The following PTPN14 variants were observed in gnomAD, a reference collection of about 807,000 sequenced individuals.
PTPN14 encodes protein tyrosine phosphatase non-receptor type 14, also known as tyrosine-protein phosphatase non-receptor type 14.
In PTPN14, 53 loss-of-function variants were observed where a neutral mutation model predicts 126.8. That is an observed-to-expected ratio of 0.42 (90% CI 0.34 to 0.53). The LOEUF is 0.53. PTPN14 is among the 20% of genes least tolerant of loss of function. The probability of loss-of-function intolerance (pLI) is 0.08; values close to 1 mark genes in which losing one functional copy is unlikely to be tolerated. For missense variants in PTPN14, 1,257 were observed against 1,552.9 expected, an observed-to-expected ratio of 0.81 and a Z score of 3.20; for synonymous variants, 630 against 599.3, an observed-to-expected ratio of 1.05 and a Z score of -0.75.
At chr1:214,543,315 C>A (rs1205240734) in intron 1 of PTPN14, among the ~76,000 whole-genome samples, 1 of 152,042 alleles carries the variant, frequency 6.6e-6, no homozygotes, top group African/African-American at 2.4e-5. Flanking sequence ...ATTTCCTAGA[C>A]TTGAAAATGA....
In PTPN14 at chr1:214,383,726, C is replaced by G. The variant is rs1218314180; in HGVS notation, c.2129G>C (p.Ser710Thr). Residue 710 changes from serine (S) to threonine (T), a missense_variant, in exon 13 of 19, where the codon AGT (serine) becomes ACT (threonine). Physicochemically the swap from Ser to Thr is moderately conservative, Grantham distance 58. Transcript: ENST00000366956. This position sits in a 1 kb window ranked among gnomAD's most constrained non-coding sequence, Gnocchi z 4.4. ...DATMLIHSSE[S>T]EEEEEEAPES... Reference sequence around the variant, plus strand: ...TGGAGCCTCCTCCTCCTCCTCCTCACTCTCGCTGCTGTGGATTAGCATAGT... The same window carrying G: ...TGGAGCCTCCTCCTCCTCCTCCTCAGTCTCGCTGCTGTGGATTAGCATAGT... The G allele has an allele frequency of 5.0e-6, 8 of 1,613,420 alleles. No homozygotes were observed. The highest frequency in any genetic ancestry group is 1.3e-5 in the African/African-American group (1 of 74,942).
chr1:214,397,065 T>C (rs1266797883), intron 8 of PTPN14, among the ~76,000 whole-genome samples: 1 of 152,150 alleles, frequency 6.6e-6, no homozygotes, highest in Non-Finnish European at 1.5e-5. Context: ...AATGACAGAC[T>C]GGGGATCTAG....
At chr1:214,373,303 C>T (rs1658263138) in intron 15 of PTPN14, among the ~76,000 whole-genome samples, 1 of 152,184 alleles carries the variant, frequency 6.6e-6, no homozygotes. Flanking sequence ...ATACGCCCAT[C>T]TCAGCCTCCC....
At chr1:214,532,690 A>G (rs557487736) in intron 1 of PTPN14, 2 of 805,440 alleles carry the variant, frequency 2.5e-6, no homozygotes, top group Admixed American at 3.4e-5. Flanking sequence ...CAAGTATGAG[A>G]CAGACTCTCA....
chr1:214,379,814 A>G (rs114510076), intron 13 of PTPN14, among the ~76,000 whole-genome samples: 935 of 152,342 alleles, frequency 6.1e-3, no homozygotes, highest in Non-Finnish European at 9.6e-3. Flanking sequence ...GACAGAAACA[A>G]TATTGACTGA....
At chr1:214,452,453 T>C (rs575737873) in intron 2 of PTPN14, among the ~76,000 whole-genome samples, 2 of 152,230 alleles carry the variant, frequency 1.3e-5, no homozygotes, top group South Asian at 4.1e-4. Context: ...AATATTTTCA[T>C]ACAGTACCAG....
intron 3 of PTPN14, among the ~76,000 whole-genome samples, chr1:214,423,456 A>G (rs1056996493): frequency 1.3e-5 from 2 of 152,188 alleles, no homozygotes; most frequent in African/African-American, 4.8e-5. Context: ...TCCTTACTCC[A>G]GCATCTCTGT....
intron 3 of PTPN14, among the ~76,000 whole-genome samples, chr1:214,445,710 G>A (rs1660128939): frequency 6.6e-6 from 1 of 152,132 alleles, no homozygotes; most frequent in African/African-American, 2.4e-5. Flanking sequence ...CCATGCTTGA[G>A]GAAGACTTGG....
rs902872238 is a variant in PTPN14, at chr1:214,475,931, C to G, written c.-154-10974G>C. Among the ~76,000 whole-genome samples the G allele has an allele frequency of 2.0e-5, 3 of 152,332 alleles. No homozygotes were observed. The South Asian group carries it at 6.2e-4, about 32-fold the overall frequency. ...TGATATGACGCAGAAAGAGGGTTAT[C>G]AGCTATGACCTTATGATATAAAAGT... On this transcript the variant is annotated intron_variant, in intron 1 of 18. Coordinates refer to ENST00000366956, the MANE Select transcript of PTPN14 (RefSeq NM_005401.5).
chr1:214,434,232 A>T (rs1659861730), intron 3 of PTPN14, among the ~76,000 whole-genome samples: 1 of 152,190 alleles, frequency 6.6e-6, no homozygotes, highest in Admixed American at 6.5e-5. Context: ...GGGTTCCAGT[A>T]AATTGGAGAT....
Position 214,348,778 on chromosome 1 carries a change from A to C in PTPN14, c.*9144T>G, listed in dbSNP as rs937504737. The C allele has an allele frequency of 1.3e-5, 2 of 152,228 alleles. No homozygotes were observed. Among genetic ancestry groups the C allele is most frequent in the Non-Finnish European group, 2.9e-5 (2 of 68,044 alleles). 9.4% of individuals were successfully genotyped at this position (152,228 alleles called of 1,614,324 possible). ...AAAAAAAGGTTAGAATAAAGATCTCACATTTGTAAAGGCACATATGAAACA... is the reference window on the plus strand; with the variant it reads ...AAAAAAAGGTTAGAATAAAGATCTCCCATTTGTAAAGGCACATATGAAACA... On this transcript the variant is annotated 3_prime_UTR_variant, in exon 19 of 19. Coordinates refer to ENST00000366956, the MANE Select transcript of PTPN14 (RefSeq NM_005401.5).
chr1:214,509,355 ACTT>A (rs1362314601), intron 1 of PTPN14, among the ~76,000 whole-genome samples: 1 of 152,158 alleles, frequency 6.6e-6, no homozygotes, highest in East Asian at 1.9e-4. Context: ...CTTTCCTTAA[ACTT>A]CATCAGTCAA....
chr1:214,525,420 T>C (rs575168170), intron 1 of PTPN14, among the ~76,000 whole-genome samples: 1 of 152,186 alleles, frequency 6.6e-6, no homozygotes, highest in Non-Finnish European at 1.5e-5. Context: ...CCATTTCTCA[T>C]GGGAAGGGTC....
At chr1:214,415,647 C>A (rs995379459) in intron 3 of PTPN14, among the ~76,000 whole-genome samples, 1 of 152,104 alleles carries the variant, frequency 6.6e-6, no homozygotes, top group African/African-American at 2.4e-5. Flanking sequence ...GAGAGGCAAT[C>A]GGCGCTGAGA....
Position 214,383,987 on chromosome 1 carries a change from T to G in PTPN14, c.1868A>C (p.Glu623Ala). 6.2e-7 allele frequency: 1 copy of G among 1,610,154 alleles called. No homozygotes were observed. Among genetic ancestry groups the G allele is most frequent in the Non-Finnish European group, 8.5e-7 (1 of 1,179,858 alleles). Residue 623 changes from glutamate (E) to alanine (A), a missense_variant, in exon 13 of 19, where the codon GAG becomes GCG. By Grantham distance (107) the Glu-to-Ala change is moderately radical. Around this residue, in one of 3 missense-constraint regions of PTPN14, gnomAD observed 1,021 missense variants for 1,183.3 expected, o/e 0.86. Transcript: ENST00000366956. The surrounding 1 kb of genome is among the most constrained non-coding windows in gnomAD (Gnocchi z 4.4). ...GGTGGCCGTGAGGGGCTCGCTCACC[T>G]CCTGGAGAGACTGATGAACCACCGG... ...SSPVVHQSLQ[E>A]VSEPLTATKH...
chr1:214,353,916 C>CT lies in PTPN14; in HGVS notation c.*4005dup, dbSNP rs1212314798. ...TATAGGTGATCCATGCGAGTACTGT[C>CT]TATTTGCAGAAAATATGGTCCATTA... On this transcript the variant is annotated 3_prime_UTR_variant, in exon 19 of 19. Transcript: ENST00000366956. The CT allele has an allele frequency of 6.6e-6, 1 of 152,168 alleles. No homozygotes were observed. Among genetic ancestry groups the CT allele is most frequent in the African/African-American group, 2.4e-5 (1 of 41,434 alleles). 9.4% of individuals were successfully genotyped at this position (152,168 alleles called of 1,614,324 possible). A position where few individuals can be genotyped will look rare whatever the true frequency, so the allele number is the denominator to read the frequency against.
chr1:214,499,481 G>A (rs532133272), intron 1 of PTPN14, among the ~76,000 whole-genome samples: 12 of 152,220 alleles, frequency 7.9e-5, no homozygotes, highest in African/African-American at 1.4e-4. Flanking sequence ...GGAGGCTGCC[G>A]AGCAGGAGTG....
Position 214,497,856 on chromosome 1 carries a change from A to G in PTPN14, c.-154-32899T>C, listed in dbSNP as rs140542462. 4.1e-3 allele frequency among the ~76,000 whole-genome samples: 619 copies of G among 152,296 alleles called. 7 individuals carry two copies. Among genetic ancestry groups the G allele is most frequent in the African/African-American group, 0.014 (586 of 41,554 alleles). On this transcript the variant is annotated intron_variant, in intron 1 of 18. Coordinates refer to ENST00000366956, the MANE Select transcript of PTPN14 (RefSeq NM_005401.5). ...CATCAGCTATTCTTAGGGGGAAAAA[A>G]AAGGAAAATATAAAACTATATCAGC...
intron 1 of PTPN14, among the ~76,000 whole-genome samples, chr1:214,542,822 C>A (rs111825676): frequency 2.6e-5 from 4 of 152,160 alleles, no homozygotes; most frequent in Admixed American, 2.0e-4. Context: ...AATCAGACGC[C>A]CACGTGGGAA....
Sources: allele counts gnomAD v4.1 joint callset (sites outside exome capture counted in the v4.1 genomes callset), GRCh38; gene constraint gnomAD v4.1.1; regional missense constraint gnomAD v4.1.1; non-coding constraint Gnocchi (gnomAD v3.1); transcripts MANE v1.5; gene names NCBI Gene and HGNC (gene_info 2026-07-23, HGNC 2026-07-21).